Variants in DPH1 observed in about 807,000 individuals in gnomAD.
The protein encoded by DPH1 is 2-(3-amino-3-carboxypropyl)histidine synthase subunit 1.
A neutral mutation model predicts 55.3 loss-of-function variants in DPH1; 59 were observed. That is an observed-to-expected ratio of 1.07 (90% CI 0.87 to 1.33). The LOEUF is 1.33. Ranked by LOEUF, DPH1 falls within the 40% of genes most tolerant of loss-of-function variation. The probability of loss-of-function intolerance (pLI) is 0.00; values close to 1 mark genes in which losing one functional copy is unlikely to be tolerated. For synonymous variants in DPH1, 238 were observed against 235.5 expected (o/e 1.01, Z -0.10); for missense variants, 628 against 584.8 (o/e 1.07, Z -0.76).
Position 2,031,107 on chromosome 17 carries a change from G to A in DPH1, c.61+877G>A, listed in dbSNP as rs571874063. 1.1e-4 allele frequency among the ~76,000 whole-genome samples: 16 copies of A among 152,322 alleles called. No individual in the cohort carries two copies. In the South Asian group the frequency reaches 2.9e-3, roughly 28 times the overall value. ...CCTCAGACTCTGTGGCTCCTGAAGA[G>A]ATAACGGGGTTGAACTAAGCTTAAT... On this transcript the variant is annotated intron_variant, in intron 1 of 12. Transcript: ENST00000263083.
intron 1 of DPH1, 168 bp from the exon 2 acceptor site, chr17:2,033,337 G>C: frequency 2.2e-6 from 2 of 897,606 alleles, no homozygotes; most frequent in South Asian, 3.3e-5. Context: ...CCTAATTGCT[G>C]GTTGTAGGGC....
chr17:2,032,734 T>C (rs2067347250), intron 1 of DPH1, among the ~76,000 whole-genome samples: 1 of 151,938 alleles, frequency 6.6e-6, no homozygotes, highest in African/African-American at 2.4e-5. Flanking sequence ...AAGCAAAGGG[T>C]TTTTATTTTA....
rs780291111 is a variant in DPH1 at position 2,042,605 on chromosome 17, G to T, written c.*19G>T. 6.6e-7 allele frequency: 1 copy of T among 1,514,592 alleles called. No individual in the cohort carries two copies. The allele number at this position is 1,514,592 out of a possible 1,614,324, so 93.8% of individuals were successfully genotyped here. A position where few individuals can be genotyped will look rare whatever the true frequency, so the allele number is the denominator to read the frequency against. Reference sequence around the variant, plus strand: ...ATCCTTTTTCCTCATATCGCTGTAGGGTCCTGCCCTCCGGAGGAGCAGCCT... The same window carrying T: ...ATCCTTTTTCCTCATATCGCTGTAGTGTCCTGCCCTCCGGAGGAGCAGCCT... On this transcript the variant is annotated splice_region_variant and 3_prime_UTR_variant, in exon 13 of 13. Transcript: ENST00000263083.
intron 1 of DPH1, among the ~76,000 whole-genome samples, chr17:2,031,599 G>T (rs979313217): frequency 6.7e-6 from 1 of 148,584 alleles, no homozygotes; most frequent in Non-Finnish European, 1.5e-5. Flanking sequence ...TTAGCCCTGC[G>T]TCTTGGCACA....
At chr17:2,030,558 G>A (rs1192690769) in intron 1 of DPH1, among the ~76,000 whole-genome samples, 1 of 152,198 alleles carries the variant, frequency 6.6e-6, no homozygotes, top group Non-Finnish European at 1.5e-5. Flanking sequence ...TTACGAGTGC[G>A]CCCTCAGGGA....
At chr17:2,031,399 T>TA (rs2096492779) in intron 1 of DPH1, among the ~76,000 whole-genome samples, 1 of 151,420 alleles carries the variant, frequency 6.6e-6, no homozygotes. Flanking sequence ...CTGTCTCTAC[T>TA]AAAAATACAA....
chr17:2,036,869 TGA>T lies in DPH1; in HGVS notation c.595_596del (p.Ser199CysfsTer53), dbSNP rs2067435428. On this transcript the variant is annotated frameshift_variant, in exon 6 of 13. Transcript: ENST00000263083. LOFTEE classifies it high-confidence loss of function. The surrounding 1 kb of genome is among the most constrained non-coding windows in gnomAD (Gnocchi z 4.8). ...CAGGAGCTGAAAGCCGAGTATCGTGTGAGTGTCCCACAGTGCAAGCCCCTGTC... is the reference window on the plus strand; with the variant it reads ...CAGGAGCTGAAAGCCGAGTATCGTGTGTGTCCCACAGTGCAAGCCCCTGTC... 6.2e-7 allele frequency: 1 copy of T among 1,613,526 alleles called. No homozygotes were observed. Among genetic ancestry groups the T allele is most frequent in the African/African-American group, 1.3e-5 (1 of 74,896 alleles).
chr17:2,043,265 G>C lies in DPH1; in HGVS notation c.*679G>C, dbSNP rs574513159. On this transcript the variant is annotated 3_prime_UTR_variant, in exon 13 of 13. Coordinates refer to ENST00000263083, the MANE Select transcript of DPH1 (RefSeq NM_001383.6). ...TTGAGACCCAAATTATAAGGGCCCT[G>C]CCCTGTACTGAAGAAAAGGGGAGCA... 33 of 839,194 alleles carry C rather than the reference G, an allele frequency of 3.9e-5. No homozygotes were observed. In the East Asian group the frequency reaches 6.9e-4, roughly 18 times the overall value. 52.0% of individuals were successfully genotyped at this position (839,194 alleles called of 1,614,324 possible).
chr17:2,033,666 G>C lies in DPH1; in HGVS notation c.214+9G>C, dbSNP rs1298914591. The C allele has an allele frequency of 6.2e-7, 1 of 1,613,924 alleles. No individual in the cohort carries two copies. Among genetic ancestry groups the C allele is most frequent in the African/African-American group, 1.3e-5 (1 of 75,066 alleles). ...AGCCCAGGCCAAGAAGGGTGAGCCT[G>C]TGATCATTGAGCTGGGGTTGGGGTG... On this transcript the variant is annotated intron_variant, in intron 2 of 12. Transcript: ENST00000263083.
rs2067503042 is a variant in DPH1, at chr17:2,040,601, G to A, written c.1003G>A (p.Asp335Asn). The A allele has an allele frequency of 1.2e-6, 2 of 1,614,142 alleles. No individual in the cohort carries two copies. Among genetic ancestry groups the A allele is most frequent in the Admixed American group, 3.3e-5 (2 of 60,030 alleles). Reference protein sequence around the residue: ...PSKLSLLPEVDVWVQVACPRL... With the variant: ...PSKLSLLPEVNVWVQVACPRL... The stretch of plus-strand genomic sequence containing the variant: ...CAAGCTTAGCCTACTTCCTGAGGTG[G>A]ATGTGTGAGTATCTGCCTGGCTATG... The change falls in exon 9 of 13, where the codon GAT becomes AAT. Residue 335 changes from aspartate to asparagine, a missense_variant. Transcript: ENST00000263083.
intron 3 of DPH1, 72 bp downstream of exon 3, chr17:2,033,914 G>C: frequency 6.3e-7 from 1 of 1,577,466 alleles, no homozygotes; most frequent in Non-Finnish European, 8.7e-7. Flanking sequence ...ACCCGGGTGG[G>C]TAAAGCCCTG....
intron 6 of DPH1, chr17:2,037,172 T>TGG: frequency 3.5e-6 from 2 of 579,640 alleles, no homozygotes; most frequent in Non-Finnish European, 5.4e-6. Flanking sequence ...CTGTGCAGGG[T>TGG]GGGGGCAGGA....
Position 2,040,269 on chromosome 17 carries a change from C to T in DPH1, c.801C>T (p.Arg267=). 1 of 1,614,092 alleles carries T rather than the reference C, an allele frequency of 6.2e-7. No homozygotes were observed. The highest frequency in any genetic ancestry group is 8.5e-7 in the Non-Finnish European group (1 of 1,180,046). ...CCAGAGAACACTATGACCACCAGCGCATGCAGGCTGCTCGCCAAGAAGCCA... is the reference window on the plus strand; with the variant it reads ...CCAGAGAACACTATGACCACCAGCGTATGCAGGCTGCTCGCCAAGAAGCCA... The part of the protein sequence containing the change: ...VLSREHYDHQ[R]MQAARQEAIA... The change falls in exon 8 of 13, where the codon CGC becomes CGT. Residue 267 remains arginine (R), a synonymous_variant. Coordinates refer to ENST00000263083, the MANE Select transcript of DPH1 (RefSeq NM_001383.6).
At position 2,042,164 on chromosome 17, in the gene DPH1, C is replaced by T. The variant is rs762122261; in HGVS notation, c.*18+289C>T. On this transcript the variant is annotated intron_variant, in intron 12 of 12. Transcript: ENST00000263083. Reference sequence around the variant, plus strand: ...AGGCGCTGCGGGGTCGCGCCGAGCTCGTGTGCCTCAGCGGCCCGCACCCGG... The same window carrying T: ...AGGCGCTGCGGGGTCGCGCCGAGCTTGTGTGCCTCAGCGGCCCGCACCCGG... 1.8e-5 allele frequency: 27 copies of T among 1,481,798 alleles called. No individual in the cohort carries two copies. In the East Asian group the frequency reaches 5.8e-4, roughly 32 times the overall value. 91.8% of individuals were successfully genotyped at this position (1,481,798 alleles called of 1,614,324 possible).
intron 10 of DPH1, 124 bp from the exon 11 acceptor site, chr17:2,041,357 A>G (rs2067519647): frequency 6.7e-7 from 1 of 1,482,826 alleles, no homozygotes; most frequent in African/African-American, 1.4e-5. Context: ...GCCCTGAACC[A>G]CACAGTTCCC....
intron 1 of DPH1, among the ~76,000 whole-genome samples, chr17:2,032,067 G>A (rs2067339177): frequency 6.6e-6 from 1 of 152,194 alleles, no homozygotes; most frequent in Admixed American, 6.5e-5. Context: ...ATGAGGAGAG[G>A]TAAGCGTGAA....
chr17:2,030,126 T>A (rs1345631810), upstream of DPH1: 2 of 1,578,144 alleles, frequency 1.3e-6, no homozygotes, highest in Non-Finnish European at 1.7e-6. Flanking sequence ...GCTCTCCGCG[T>A]TCTTCCAGCG....
chr17:2,036,423 C>T lies in DPH1; in HGVS notation c.401-106C>T, dbSNP rs2067426029. On this transcript the variant is annotated intron_variant, in intron 4 of 12. Coordinates refer to ENST00000263083, the MANE Select transcript of DPH1 (RefSeq NM_001383.6). The surrounding 1 kb of genome is among the most constrained non-coding windows in gnomAD (Gnocchi z 4.8). ...CTCTTCTCCTACCCTGTCCTTTTACCCCCAGGCTGAAGCCACTGCGCCTGG... is the reference window on the plus strand; with the variant it reads ...CTCTTCTCCTACCCTGTCCTTTTACTCCCAGGCTGAAGCCACTGCGCCTGG... The T allele has an allele frequency of 7.0e-7, 1 of 1,430,032 alleles. No individual in the cohort carries two copies. Among genetic ancestry groups the T allele is most frequent in the Non-Finnish European group, 9.6e-7 (1 of 1,038,346 alleles). The allele number at this position is 1,430,032 out of a possible 1,614,324, so 88.6% of individuals were successfully genotyped here.
chr17:2,030,587 C>CA (rs1349100859), intron 1 of DPH1, among the ~76,000 whole-genome samples: 1 of 152,168 alleles, frequency 6.6e-6, no homozygotes, highest in Non-Finnish European at 1.5e-5. Context: ...AGGGAAGAGG[C>CA]AAAAGGTTTC....
Sources: allele counts gnomAD v4.1 joint callset (sites outside exome capture counted in the v4.1 genomes callset), GRCh38; gene constraint gnomAD v4.1.1; non-coding constraint Gnocchi (gnomAD v3.1); transcripts MANE v1.5; gene names NCBI Gene and HGNC (gene_info 2026-07-23, HGNC 2026-07-21).